Variants in PTPRE observed in about 807,000 individuals in gnomAD.
PTPRE encodes the protein protein tyrosine phosphatase receptor type E.
Under a neutral mutation model 102.0 loss-of-function variants are expected in PTPRE, and 51 were observed. That is an observed-to-expected ratio of 0.50 (90% CI 0.40 to 0.63). PTPRE has a LOEUF of 0.63. PTPRE is among the 30% of genes least tolerant of loss of function. The probability of loss-of-function intolerance (pLI) is 0.00; values close to 1 mark genes in which losing one functional copy is unlikely to be tolerated. For synonymous variants in PTPRE, 345 were observed against 348.2 expected (o/e 0.99, Z 0.10); for missense variants, 752 against 915.1 (o/e 0.82, Z 2.30).
intron 1 of PTPRE, among the ~76,000 whole-genome samples, chr10:127,912,021 C>G (rs190693702): frequency 2.6e-5 from 4 of 152,082 alleles, no homozygotes; most frequent in Admixed American, 2.6e-4. Flanking sequence ...CGGGGTCGTT[C>G]GCTGCTGGAT....
chr10:128,016,321 C>T (rs1284103431), intron 2 of PTPRE, among the ~76,000 whole-genome samples: 2 of 152,146 alleles, frequency 1.3e-5, no homozygotes, highest in East Asian at 3.9e-4. Context: ...ACCCAATTTG[C>T]AGCTTCTGTT....
chr10:128,058,933 T>A (rs1446601635), intron 7 of PTPRE, among the ~76,000 whole-genome samples: 1 of 152,190 alleles, frequency 6.6e-6, no homozygotes, highest in African/African-American at 2.4e-5. Flanking sequence ...TCAAGGTGCT[T>A]TGCATGTCAG....
intron 2 of PTPRE, among the ~76,000 whole-genome samples, chr10:128,007,068 T>G (rs919219063): frequency 6.6e-6 from 1 of 152,196 alleles, no homozygotes; most frequent in African/African-American, 2.4e-5. Flanking sequence ...TTCTAGAAGA[T>G]TGTGACATAT....
chr10:127,999,757 G>A (rs1853675859), intron 2 of PTPRE: 1 of 985,292 alleles, frequency 1.0e-6, no homozygotes, highest in African/African-American at 1.7e-5. Context: ...TCTTTGCTCT[G>A]GTTTCTGGTG....
intron 1 of PTPRE, among the ~76,000 whole-genome samples, chr10:127,974,357 C>A (rs563314322): frequency 2.0e-4 from 30 of 152,338 alleles, no homozygotes; most frequent in Admixed American, 5.2e-4. Flanking sequence ...CAGGATCCAA[C>A]TTATTTGCCA....
intron 6 of PTPRE, among the ~76,000 whole-genome samples, chr10:128,052,676 C>T (rs918425837): frequency 6.6e-6 from 1 of 152,176 alleles, no homozygotes; most frequent in South Asian, 2.1e-4. Flanking sequence ...GAAAATCCCC[C>T]GCTTCAGACA....
intron 1 of PTPRE, among the ~76,000 whole-genome samples, chr10:127,965,407 C>T (rs1850171635): frequency 6.6e-6 from 1 of 151,908 alleles, no homozygotes; most frequent in South Asian, 2.1e-4. Flanking sequence ...CCATATACAT[C>T]CATTCCACCT....
In PTPRE at chr10:128,076,740, G is replaced by GT. The variant is rs757546612; in HGVS notation, c.1725+13dup. 5.6e-6 allele frequency: 9 copies of GT among 1,610,654 alleles called. No homozygotes were observed. Among genetic ancestry groups the GT allele is most frequent in the Non-Finnish European group, 7.6e-6 (9 of 1,179,144 alleles). On this transcript the variant is annotated intron_variant, in intron 18 of 20. Transcript: ENST00000254667. ...TCACTCTCAATCAGGTATTGTTGAA[G>GT]TAGCTCTTTAAACGCTTGTGAATTT...
At chr10:127,953,812 A>G (rs1307608446) in intron 1 of PTPRE, among the ~76,000 whole-genome samples, 1 of 152,176 alleles carries the variant, frequency 6.6e-6, no homozygotes, top group African/African-American at 2.4e-5. Context: ...GTGAAGGGAA[A>G]TCTTCTCAAT....
chr10:128,025,145 T>C (rs1846193730), intron 2 of PTPRE, among the ~76,000 whole-genome samples: 1 of 105,676 alleles, frequency 9.5e-6, no homozygotes, highest in Non-Finnish European at 1.7e-5. Context: ...GGTGACAGAA[T>C]GAGATCCTGT....
intron 3 of PTPRE, among the ~76,000 whole-genome samples, chr10:128,045,485 C>T (rs1848015014): frequency 6.6e-6 from 1 of 152,122 alleles, no homozygotes; most frequent in Non-Finnish European, 1.5e-5. Flanking sequence ...CCTGGGGCCC[C>T]GGGAGATGAG....
intron 1 of PTPRE, among the ~76,000 whole-genome samples, chr10:127,980,104 G>T (rs1394476279): frequency 6.6e-6 from 1 of 152,038 alleles, no homozygotes; most frequent in Non-Finnish European, 1.5e-5. Flanking sequence ...TCCCCTATCT[G>T]CAGTGATCCT....
intron 1 of PTPRE, among the ~76,000 whole-genome samples, chr10:127,960,869 A>G (rs1334447880): frequency 1.3e-5 from 2 of 151,880 alleles, no homozygotes; most frequent in African/African-American, 4.8e-5. Context: ...AATACAAAAA[A>G]AATTAGCCGG....
At chr10:128,055,983 G>A (rs1380419064) in intron 6 of PTPRE, 140 bp from the exon 7 acceptor site, 10 of 667,526 alleles carry the variant, frequency 1.5e-5, no homozygotes, top group Middle Eastern at 2.6e-4. Context: ...CTGGTGCAAG[G>A]TCTGAGGCAG....
At chr10:127,953,332 T>C (rs1284123930) in intron 1 of PTPRE, among the ~76,000 whole-genome samples, 1 of 152,210 alleles carries the variant, frequency 6.6e-6, no homozygotes, top group African/African-American at 2.4e-5. Flanking sequence ...CTTAGGATTT[T>C]TGAGAAAGGC....
At chr10:127,930,797 CTT>C (rs199628202) in intron 1 of PTPRE, among the ~76,000 whole-genome samples, 10 of 143,824 alleles carry the variant, frequency 7.0e-5, no homozygotes, top group Admixed American at 2.1e-4. Flanking sequence ...TATTTATTTA[CTT>C]TTTTTTTTTT....
At chr10:128,049,412 G>A in intron 5 of PTPRE, 118 bp from the exon 6 acceptor site, 2 of 1,316,756 alleles carry the variant, frequency 1.5e-6, no homozygotes, top group South Asian at 2.7e-5. Flanking sequence ...CGATTTGAGA[G>A]AACTGTTCCA....
intron 15 of PTPRE, chr10:128,071,912 AAAAATG>A (rs1850803468): frequency 9.7e-6 from 5 of 516,888 alleles, no homozygotes; most frequent in South Asian, 5.3e-5. Flanking sequence ...TCGATTCCTG[AAAAATG>A]AAAATGATAA....
In PTPRE at chr10:128,083,168, TC is replaced by T. The variant is rs546025358; in HGVS notation, c.*263del. 103 of 239,468 alleles carry T rather than the reference TC, an allele frequency of 4.3e-4. No homozygotes were observed. The East Asian group carries it at 8.9e-3, about 21-fold the overall frequency. The allele number at this position is 239,468 out of a possible 1,614,324, so 14.8% of individuals were successfully genotyped here. On this transcript the variant is annotated 3_prime_UTR_variant, in exon 21 of 21. Coordinates refer to ENST00000254667, the MANE Select transcript of PTPRE (RefSeq NM_006504.6). ...TAAATATCTTAATTTTTCATTAGAT[TC>T]ATATCATTTAATTTCACATATTCAA...
Sources: allele counts gnomAD v4.1 joint callset (sites outside exome capture counted in the v4.1 genomes callset), GRCh38; gene constraint gnomAD v4.1.1; transcripts MANE v1.5; gene names NCBI Gene and HGNC (gene_info 2026-07-23, HGNC 2026-07-21).